Variants in PAX3 observed in about 807,000 individuals in gnomAD.
PAX3 encodes the protein paired box protein Pax-3.
Under a neutral mutation model 51.6 loss-of-function variants are expected in PAX3, and 14 were observed. The ratio of observed to expected loss-of-function variants is 0.27; its 90% CI spans 0.18 to 0.42. PAX3 has a LOEUF of 0.42. PAX3 is among the 10% of genes least tolerant of loss of function. The pLI is 1.00. For synonymous variants in PAX3, 280 were observed against 253.4 expected (o/e 1.11, Z -1.00); for missense variants, 540 against 642.8 (o/e 0.84, Z 1.73).
chr2:222,284,043 A>G (rs936333593), intron 4 of PAX3, among the ~76,000 whole-genome samples: 1 of 152,238 alleles, frequency 6.6e-6, no homozygotes, highest in Non-Finnish European at 1.5e-5. Context: ...CAGAACGGTC[A>G]TTAAAATGTA....
chr2:222,279,304 CGTGTGT>C (rs57076966), intron 4 of PAX3, among the ~76,000 whole-genome samples: 5 of 148,030 alleles, frequency 3.4e-5, no homozygotes, highest in African/African-American at 5.0e-5. Flanking sequence ...CAAGCCTGTG[CGTGTGT>C]GTGTGTGTGT....
chr2:222,216,624 G>A (rs1349144352), intron 7 of PAX3, among the ~76,000 whole-genome samples: 3 of 152,108 alleles, frequency 2.0e-5, no homozygotes, highest in Non-Finnish European at 4.4e-5. Context: ...TTTGGCAAAT[G>A]GCTGTAATTC....
chr2:222,240,645 C>G (rs1692977647), intron 4 of PAX3, among the ~76,000 whole-genome samples: 1 of 152,168 alleles, frequency 6.6e-6, no homozygotes, highest in African/African-American at 2.4e-5. Context: ...TTAAAGGAGC[C>G]ACAAAATACC....
At chr2:222,283,770 G>A (rs1000512781) in intron 4 of PAX3, among the ~76,000 whole-genome samples, 2 of 152,216 alleles carry the variant, frequency 1.3e-5, no homozygotes, top group African/African-American at 4.8e-5. Context: ...AGCCTAAGCC[G>A]CAACAGCTGC....
At chr2:222,287,538 C>T (rs912815540) in intron 4 of PAX3, 13 of 152,166 alleles carry the variant, frequency 8.5e-5, no homozygotes, top group African/African-American at 3.1e-4. Context: ...GCCTAATATC[C>T]AAGGAAGAAA....
chr2:222,276,078 G>A (rs947675395), intron 4 of PAX3, among the ~76,000 whole-genome samples: 1 of 152,196 alleles, frequency 6.6e-6, no homozygotes, highest in African/African-American at 2.4e-5. Context: ...CAGAAATCCT[G>A]TGTGTCCCTT....
chr2:222,212,320 G>T (rs1189993129), intron 7 of PAX3, among the ~76,000 whole-genome samples: 1 of 152,046 alleles, frequency 6.6e-6, no homozygotes, highest in Admixed American at 6.6e-5. Context: ...AGTAATGCTT[G>T]CTTCTTTCAT....
intron 4 of PAX3, among the ~76,000 whole-genome samples, chr2:222,250,117 G>A (rs1024912371): frequency 6.6e-6 from 1 of 152,076 alleles, no homozygotes; most frequent in Non-Finnish European, 1.5e-5. Context: ...CAGGTAGGGG[G>A]ATCTTATGAG....
intron 5 of PAX3, among the ~76,000 whole-genome samples, chr2:222,230,414 G>T: frequency 6.6e-6 from 1 of 151,760 alleles, no homozygotes; most frequent in South Asian, 2.1e-4. Context: ...GCCTGTTGGG[G>T]GGTGGGGGGC....
intron 3 of PAX3, among the ~76,000 whole-genome samples, chr2:222,295,291 ATCT>A (rs1023048097): frequency 3.9e-5 from 6 of 152,048 alleles, no homozygotes; most frequent in African/African-American, 1.2e-4. Flanking sequence ...CTCGACAGAA[ATCT>A]TCTTTGGGGC....
chr2:222,216,628 G>A (rs1223659307), intron 7 of PAX3, among the ~76,000 whole-genome samples: 1 of 152,108 alleles, frequency 6.6e-6, no homozygotes, highest in African/African-American at 2.4e-5. Flanking sequence ...GCAAATGGCT[G>A]TAATTCCCAG....
chr2:222,289,409 T>C lies in PAX3; in HGVS notation c.586+4758A>G, dbSNP rs200401036. ...CATTCGGATTTAGCGGCCACACTCC[T>C]ATTCACGTGATCGATTTCTGCATAT... On this transcript the variant is annotated intron_variant, in intron 4 of 8. Coordinates refer to ENST00000392070, the MANE Select transcript of PAX3 (RefSeq NM_181458.4). 1.5e-4 allele frequency among the ~76,000 whole-genome samples: 23 copies of C among 152,320 alleles called. No individual in the cohort carries two copies. The East Asian group carries it at 4.4e-3, about 29-fold the overall frequency.
At chr2:222,244,880 G>A (rs183273241) in intron 4 of PAX3, among the ~76,000 whole-genome samples, 4 of 152,266 alleles carry the variant, frequency 2.6e-5, no homozygotes, top group Admixed American at 1.3e-4. Flanking sequence ...GAGTGTGGTG[G>A]TGCATGCCTG....
chr2:222,225,882 A>G (rs1692363730), intron 5 of PAX3, among the ~76,000 whole-genome samples: 1 of 152,218 alleles, frequency 6.6e-6, no homozygotes, highest in African/African-American at 2.4e-5. Flanking sequence ...GTGTCCAGCC[A>G]AAGCCTTTTG....
At chr2:222,278,057 G>A (rs1694493549) in intron 4 of PAX3, among the ~76,000 whole-genome samples, 1 of 151,714 alleles carries the variant, frequency 6.6e-6, no homozygotes, top group Non-Finnish European at 1.5e-5. Context: ...TTCCAGTGTG[G>A]CCCAAGGAGC....
intron 5 of PAX3, among the ~76,000 whole-genome samples, chr2:222,227,731 A>C (rs543736477): frequency 1.1e-5 from 1 of 94,440 alleles, no homozygotes; most frequent in African/African-American, 4.3e-5. Flanking sequence ...ATCTTTTTTA[A>C]AAAAAAAAAA....
intron 7 of PAX3, among the ~76,000 whole-genome samples, chr2:222,214,227 C>T (rs1691862620): frequency 6.6e-6 from 1 of 152,110 alleles, no homozygotes; most frequent in Non-Finnish European, 1.5e-5. Flanking sequence ...ATGCTTCTTC[C>T]TAATAAGTTT....
rs1265917300 is a variant in PAX3, at chr2:222,293,482, G to T, written c.586+685C>A. On this transcript the variant is annotated intron_variant, in intron 4 of 8. Coordinates refer to ENST00000392070, the MANE Select transcript of PAX3 (RefSeq NM_181458.4). ...CAGTGCACAGCCGAAAAGGAATGGGGATCTGTACCCCTAGAAGACAGAGGG... is the reference window on the plus strand; with the variant it reads ...CAGTGCACAGCCGAAAAGGAATGGGTATCTGTACCCCTAGAAGACAGAGGG... The T allele has an allele frequency of 1.0e-5, 7 of 689,046 alleles. No individual in the cohort carries two copies. The Admixed American group carries it at 2.0e-4, about 20-fold the overall frequency. The allele number at this position is 689,046 out of a possible 1,614,324, so 42.7% of individuals were successfully genotyped here. A position where few individuals can be genotyped will look rare whatever the true frequency, so the allele number is the denominator to read the frequency against.
chr2:222,289,030 AT>A (rs1267847122), intron 4 of PAX3, among the ~76,000 whole-genome samples: 2 of 152,358 alleles, frequency 1.3e-5, no homozygotes, highest in South Asian at 2.1e-4. Context: ...TCCTTTTCAG[AT>A]TTTAATTCCT....
Sources: allele counts gnomAD v4.1 joint callset (sites outside exome capture counted in the v4.1 genomes callset), GRCh38; gene constraint gnomAD v4.1.1; transcripts MANE v1.5; gene names NCBI Gene and HGNC (gene_info 2026-07-23, HGNC 2026-07-21).